Variants in NSD2 observed in about 807,000 individuals in gnomAD.
The protein encoded by NSD2 is nuclear receptor binding SET domain protein 2.
In NSD2, 12 loss-of-function variants were observed where a neutral mutation model predicts 139.0. The ratio of observed to expected loss-of-function variants is 0.09; its 90% CI spans 0.06 to 0.14. NSD2 has a LOEUF of 0.14. Among genes scored for constraint, NSD2 ranks in the 10% least tolerant of loss-of-function variants. NSD2 has a pLI of 1.00. For synonymous variants in NSD2, 669 were observed against 648.7 expected, an observed-to-expected ratio of 1.03 and a Z score of -0.48; for missense variants, 1,155 against 1,745.0, an observed-to-expected ratio of 0.66 and a Z score of 6.02.
At chr4:1,963,742 A>G (rs1245297718) in intron 18 of NSD2, among the ~76,000 whole-genome samples, 2 of 152,342 alleles carry the variant, frequency 1.3e-5, no homozygotes, top group South Asian at 2.1e-4. Flanking sequence ...AGCTGGGCAC[A>G]GTGGCCCACG....
chr4:1,938,589 T>TGGGG, intron 8 of NSD2, 57 bp downstream of exon 8: 1 of 537,344 alleles, frequency 1.9e-6, no homozygotes, highest in Non-Finnish European at 3.5e-6. Flanking sequence ...CTGGGCTGGG[T>TGGGG]GGGTGGGCTG....
At position 1,918,340 on chromosome 4, in the gene NSD2, C is replaced by A; in HGVS notation, c.1127C>A (p.Ser376Tyr). Residue 376 changes from serine (S) to tyrosine (Y), a missense_variant, in exon 5 of 22, where the codon TCC becomes TAC. Around this residue, in one of 8 missense-constraint regions of NSD2, gnomAD observed 420 missense variants for 469.0 expected, o/e 0.90. Transcript: ENST00000508803. ...GAGTCTTTGGGAGAAATGGCAGAAT[C>A]CTCAGGAGTCAGTGAAGAAGCTGCT... ...AAESLGEMAE[S>Y]SGVSEEAAEN... The A allele has an allele frequency of 6.2e-7, 1 of 1,614,056 alleles. No individual in the cohort carries two copies. The highest frequency in any genetic ancestry group is 8.5e-7 in the Non-Finnish European group (1 of 1,180,032).
chr4:1,905,877 T>A (rs1376156510), intron 3 of NSD2, among the ~76,000 whole-genome samples: 1 of 152,212 alleles, frequency 6.6e-6, no homozygotes, highest in Non-Finnish European at 1.5e-5. Context: ...CCCCAGGGCC[T>A]CTAGACTCGG....
rs537639304 is a variant in NSD2 at position 1,942,623 on chromosome 4, G to A, written c.1881+2845G>A. 6.0e-5 allele frequency: 75 copies of A among 1,253,088 alleles called. No homozygotes were observed. Among genetic ancestry groups the A allele is most frequent in the Middle Eastern group, 3.1e-4 (1 of 3,180 alleles). The allele number at this position is 1,253,088 out of a possible 1,614,324, so 77.6% of individuals were successfully genotyped here. ...CACATTCATCTCATAATAGAAACAC[G>A]TTCATATTCCAGTGGTCAATGTAGA... On this transcript the variant is annotated intron_variant, in intron 9 of 21. Transcript: ENST00000508803. This position sits in a 1 kb window ranked among gnomAD's most constrained non-coding sequence, Gnocchi z 4.0.
rs546890974 is a variant in NSD2 at position 1,898,435 on chromosome 4, C to T, written c.-29-2191C>T. 2.3e-4 allele frequency among the ~76,000 whole-genome samples: 35 copies of T among 152,180 alleles called. No homozygotes were observed. In the South Asian group the frequency reaches 6.0e-3, roughly 26 times the overall value. ...ATCCCAGCACTTTGGGAGGCCAAGG[C>T]GGGCGGATCACGAAGTCAGGAGATC... On this transcript the variant is annotated intron_variant, in intron 1 of 21. Transcript: ENST00000508803.
chr4:1,977,070 A>G (rs1727163468), intron 21 of NSD2, among the ~76,000 whole-genome samples: 2 of 152,232 alleles, frequency 1.3e-5, no homozygotes, highest in African/African-American at 4.8e-5. Context: ...GGCAGCCCAG[A>G]GGGGCCTGGC....
chr4:1,939,392 G>A (rs983566679), intron 8 of NSD2: 2 of 459,784 alleles, frequency 4.3e-6, no homozygotes, highest in African/African-American at 1.9e-5. Flanking sequence ...GCAGGGGGAC[G>A]TGGAACCAGG....
intron 3 of NSD2, among the ~76,000 whole-genome samples, chr4:1,909,388 A>G (rs1182838519): frequency 1.3e-5 from 2 of 152,064 alleles, no homozygotes; most frequent in African/African-American, 4.8e-5. Context: ...AGAGTTTGCA[A>G]GGGAAACTCT....
intron 20 of NSD2, 153 bp downstream of exon 20, chr4:1,975,553 G>A (rs1005824161): frequency 3.1e-5 from 20 of 645,342 alleles, no homozygotes; most frequent in Admixed American, 2.0e-4. Context: ...GGGGAGGATG[G>A]CTCTCAACAA....
chr4:1,950,392 A>G (rs1724083377), intron 9 of NSD2, among the ~76,000 whole-genome samples: 1 of 152,178 alleles, frequency 6.6e-6, no homozygotes, highest in Non-Finnish European at 1.5e-5. Context: ...TCAAGTAGGT[A>G]GATTTTACCT....
chr4:1,955,639 G>A lies in NSD2; in HGVS notation c.2519-54G>A. 1 of 1,553,556 alleles carries A rather than the reference G, an allele frequency of 6.4e-7. No homozygotes were observed. The highest frequency in any genetic ancestry group is 8.7e-7 in the Non-Finnish European group (1 of 1,148,398). On this transcript the variant is annotated intron_variant, in intron 13 of 21. Coordinates refer to ENST00000508803, the MANE Select transcript of NSD2 (RefSeq NM_001042424.3). This position sits in a 1 kb window ranked among gnomAD's most constrained non-coding sequence, Gnocchi z 4.7. ...GTGTAGACTGTGAAGCACTGAATCT[G>A]GGCTGAGCCATAGCAGACAGGCTAA...
intron 1 of NSD2, among the ~76,000 whole-genome samples, chr4:1,872,339 A>C (rs983867241): frequency 6.6e-6 from 1 of 152,076 alleles, no homozygotes; most frequent in African/African-American, 2.4e-5. Flanking sequence ...CTGGCGACTT[A>C]ATGGCTGGTT....
At position 1,900,825 on chromosome 4, in the gene NSD2, G is replaced by T; in HGVS notation, c.171G>T (p.Leu57=). 1 of 1,614,074 alleles carries T rather than the reference G, an allele frequency of 6.2e-7. No individual in the cohort carries two copies. Among genetic ancestry groups the T allele is most frequent in the Non-Finnish European group, 8.5e-7 (1 of 1,179,976 alleles). The change falls in exon 2 of 22, where the codon CTG becomes CTT. Residue 57 remains leucine (L), a synonymous_variant. Coordinates refer to ENST00000508803, the MANE Select transcript of NSD2 (RefSeq NM_001042424.3). Reference sequence around the variant, plus strand: ...GCAAAGCCCAGCTCTCCAGTAGCCTGCAGGAGGGGGTCATGCAGAAGTTTA... The same window carrying T: ...GCAAAGCCCAGCTCTCCAGTAGCCTTCAGGAGGGGGTCATGCAGAAGTTTA... ...FLSKAQLSSS[L]QEGVMQKFNG...
At chr4:1,898,519 C>T (rs1716691561) in intron 1 of NSD2, among the ~76,000 whole-genome samples, 1 of 151,826 alleles carries the variant, frequency 6.6e-6, no homozygotes, top group African/African-American at 2.4e-5. Context: ...AAAAAATTAG[C>T]CGGGCGTGGT....
chr4:1,889,343 G>A (rs1441313122), intron 1 of NSD2, among the ~76,000 whole-genome samples: 1 of 152,030 alleles, frequency 6.6e-6, no homozygotes, highest in African/African-American at 2.4e-5. Context: ...ACAGGCATGC[G>A]CTTCCACACC....
rs779367711 is a variant in NSD2 at position 1,930,789 on chromosome 4, T to C, written c.1555+19T>C. On this transcript the variant is annotated intron_variant, in intron 6 of 21. Coordinates refer to ENST00000508803, the MANE Select transcript of NSD2 (RefSeq NM_001042424.3). ...GACTCTGGTAAACATAGCATTATGC[T>C]GATGTCCTCTGCTTGGGTTGATGTG... The C allele has an allele frequency of 7.5e-6, 12 of 1,607,486 alleles. No individual in the cohort carries two copies. Among genetic ancestry groups the C allele is most frequent in the Non-Finnish European group, 9.3e-6 (11 of 1,176,642 alleles).
intron 9 of NSD2, chr4:1,943,660 T>G (rs1284247391): frequency 4.9e-5 from 51 of 1,048,406 alleles, no homozygotes; most frequent in Non-Finnish European, 5.9e-5. Context: ...AAAGATGGTC[T>G]AGGAGCAATC....
Position 1,942,489 on chromosome 4 carries a change from A to G in NSD2, c.1881+2711A>G. 6.6e-7 allele frequency: 1 copy of G among 1,525,174 alleles called. No individual in the cohort carries two copies. The highest frequency in any genetic ancestry group is 8.8e-7 in the Non-Finnish European group (1 of 1,135,140). 94.5% of individuals were successfully genotyped at this position (1,525,174 alleles called of 1,614,324 possible). ...TTCTATCACAATCATTTTATGGAAG[A>G]TGTGTGATAATCTGTTTTTACTGGT... is the stretch of plus-strand genomic sequence containing the variant. On this transcript the variant is annotated intron_variant, in intron 9 of 21. Transcript: ENST00000508803. The surrounding 1 kb of genome is among the most constrained non-coding windows in gnomAD (Gnocchi z 4.0).
chr4:1,896,758 CCTTCT>C (rs1560580807), intron 1 of NSD2, among the ~76,000 whole-genome samples: 70 of 149,096 alleles, frequency 4.7e-4, no homozygotes, highest in African/African-American at 1.6e-3. Flanking sequence ...TTCTTTCTTT[CCTTCT>C]TTCTTCTCTT....
Sources: gnomAD v4.1 joint callset for allele counts (sites outside exome capture counted in the v4.1 genomes callset) on GRCh38, gnomAD v4.1.1 for gene constraint, gnomAD v4.1.1 regional missense constraint, Gnocchi (gnomAD v3.1) non-coding constraint, MANE v1.5 for transcripts, NCBI Gene and HGNC (gene_info 2026-07-23, HGNC 2026-07-21) for gene names.